Variants in GBE1 observed in about 807,000 individuals in gnomAD.
The protein encoded by GBE1 is 1,4-alpha-glucan branching enzyme 1, also known as 1,4-alpha-glucan-branching enzyme.
A neutral mutation model predicts 88.8 loss-of-function variants in GBE1; 70 were observed. The observed-to-expected ratio is 0.79, with a 90% CI of 0.65 to 0.96. The LOEUF (loss-of-function observed/expected upper bound fraction) is 0.96, where lower values mean the gene tolerates loss of function less well. GBE1 is among the 40% of genes least tolerant of loss of function. The probability of loss-of-function intolerance (pLI) is 0.00; values close to 1 mark genes in which losing one functional copy is unlikely to be tolerated. For synonymous variants in GBE1, 284 were observed against 300.1 expected (o/e 0.95, Z 0.56); for missense variants, 872 against 871.0 (o/e 1.00, Z -0.01).
intron 12 of GBE1, among the ~76,000 whole-genome samples, chr3:81,571,950 T>C (rs374622757): frequency 1.8e-4 from 27 of 152,304 alleles, no homozygotes; most frequent in African/African-American, 6.0e-4. Flanking sequence ...AGAATTGACA[T>C]GGTTAGGCTT....
intron 7 of GBE1, among the ~76,000 whole-genome samples, chr3:81,634,735 A>G (rs1408997867): frequency 6.6e-6 from 1 of 152,182 alleles, no homozygotes; most frequent in Non-Finnish European, 1.5e-5. Context: ...TTTAATATGG[A>G]AACAACAAAT....
intron 1 of GBE1, among the ~76,000 whole-genome samples, chr3:81,741,758 CTATA>C (rs1348408669): frequency 6.7e-6 from 1 of 148,726 alleles, no homozygotes; most frequent in East Asian, 1.9e-4. Flanking sequence ...GTATAATACT[CTATA>C]TAATATATAA....
At chr3:81,525,640 C>A (rs192578228) in intron 14 of GBE1, among the ~76,000 whole-genome samples, 16 of 152,026 alleles carry the variant, frequency 1.1e-4, no homozygotes, top group South Asian at 4.2e-4. Context: ...TGGTAGAATT[C>A]GGCTGTGAAT....
chr3:81,737,335 A>T (rs868001414), intron 1 of GBE1, among the ~76,000 whole-genome samples: 896 of 87,162 alleles, frequency 0.01, 7 homozygotes, highest in Middle Eastern at 0.018. Context: ...ATATATTTTT[A>T]TATATATTTA....
intron 7 of GBE1, among the ~76,000 whole-genome samples, chr3:81,606,637 T>C (rs1704105562): frequency 6.6e-6 from 1 of 152,238 alleles, no homozygotes; most frequent in Non-Finnish European, 1.5e-5. Context: ...GACATAGGTA[T>C]TTCTTACCAG....
chr3:81,600,575 C>T (rs1339855469), intron 7 of GBE1, among the ~76,000 whole-genome samples: 2 of 152,052 alleles, frequency 1.3e-5, no homozygotes, highest in Non-Finnish European at 2.9e-5. Context: ...CATAAAGTAT[C>T]TGGGAACTGA....
chr3:81,596,792 C>G (rs537127904), intron 7 of GBE1, among the ~76,000 whole-genome samples: 2 of 151,944 alleles, frequency 1.3e-5, no homozygotes, highest in South Asian at 4.2e-4. Flanking sequence ...TGCACCCTAC[C>G]CTCCAGCAGT....
At chr3:81,543,772 G>A (rs1307304915) in intron 12 of GBE1, among the ~76,000 whole-genome samples, 1 of 152,024 alleles carries the variant, frequency 6.6e-6, no homozygotes, top group Admixed American at 6.6e-5. Flanking sequence ...ATTTATTCAG[G>A]TGATGGCAAA....
intron 2 of GBE1, among the ~76,000 whole-genome samples, chr3:81,689,165 C>G (rs1171645358): frequency 6.6e-6 from 1 of 152,238 alleles, no homozygotes. Flanking sequence ...TTTATTAGAT[C>G]TGTAGGGTGT....
At chr3:81,730,445 C>A (rs1283701832) in intron 1 of GBE1, among the ~76,000 whole-genome samples, 1 of 152,132 alleles carries the variant, frequency 6.6e-6, no homozygotes, top group Non-Finnish European at 1.5e-5. Context: ...TGCTTCACTC[C>A]CCAATTTTAG....
chr3:81,683,714 G>T (rs1486827004), intron 2 of GBE1, among the ~76,000 whole-genome samples: 1 of 152,118 alleles, frequency 6.6e-6, no homozygotes, highest in African/African-American at 2.4e-5. Context: ...ACTTTCACAT[G>T]GCTCCTAAAT....
intron 2 of GBE1, among the ~76,000 whole-genome samples, chr3:81,689,965 C>T (rs747707157): frequency 3.9e-5 from 6 of 152,142 alleles, no homozygotes; most frequent in Non-Finnish European, 5.9e-5. Context: ...CTGTGCCTTA[C>T]TCACCCTTCA....
chr3:81,657,799 T>C (rs956170713), intron 3 of GBE1, among the ~76,000 whole-genome samples: 4 of 152,138 alleles, frequency 2.6e-5, no homozygotes, highest in African/African-American at 9.6e-5. Context: ...TAGTTCATAG[T>C]TTTCAATTAA....
At chr3:81,685,878 A>G (rs543453401) in intron 2 of GBE1, among the ~76,000 whole-genome samples, 1 of 152,286 alleles carries the variant, frequency 6.6e-6, no homozygotes, top group East Asian at 1.9e-4. Flanking sequence ...TTGATAGACC[A>G]ATTTCCTAAC....
intron 15 of GBE1, among the ~76,000 whole-genome samples, chr3:81,494,946 T>C (rs115643565): frequency 1.3e-5 from 2 of 152,326 alleles, no homozygotes; most frequent in Non-Finnish European, 2.9e-5. Flanking sequence ...AATTACACAG[T>C]TTTTGAAAAC....
In GBE1 at chr3:81,642,844, T is replaced by A. The variant is rs1157520503; in HGVS notation, c.929A>T (p.Tyr310Phe). The change falls in exon 7 of 16, where the codon TAT becomes TTT. Residue 310 changes from tyrosine (Y) to phenylalanine (F), a missense_variant. Coordinates refer to ENST00000429644, the MANE Select transcript of GBE1 (RefSeq NM_000158.4). ...AGTCCCTCTAGGTCCAGAATGAAAA[T>A]AACAGGAATCTGTCCCATCAAACAT... is the stretch of plus-strand genomic sequence containing the variant. ...LNMFDGTDSC[Y>F]FHSGPRGTHD... is the part of the protein sequence containing the mutation. 4 of 1,613,252 alleles carry A rather than the reference T, an allele frequency of 2.5e-6. No homozygotes were observed.
At chr3:81,700,945 T>C (rs1381905680) in intron 2 of GBE1, among the ~76,000 whole-genome samples, 2 of 152,202 alleles carry the variant, frequency 1.3e-5, no homozygotes, top group Admixed American at 6.5e-5. Context: ...TTATTTTATA[T>C]TGACATATGT....
intron 3 of GBE1, among the ~76,000 whole-genome samples, chr3:81,663,870 G>A (rs1253450516): frequency 6.6e-6 from 1 of 152,106 alleles, no homozygotes; most frequent in African/African-American, 2.4e-5. Flanking sequence ...CCTGTGAGGG[G>A]ACAAGGGAAC....
intron 2 of GBE1, among the ~76,000 whole-genome samples, chr3:81,676,804 G>A (rs1007426245): frequency 1.3e-5 from 2 of 151,984 alleles, no homozygotes; most frequent in Admixed American, 6.6e-5. Context: ...TATCTGATAA[G>A]GCATAAGATT....
Sources: gnomAD v4.1 joint callset for allele counts (sites outside exome capture counted in the v4.1 genomes callset) on GRCh38, gnomAD v4.1.1 for gene constraint, MANE v1.5 for transcripts, NCBI Gene and HGNC (gene_info 2026-07-23, HGNC 2026-07-21) for gene names.